Variants in CCDC141 observed in about 807,000 individuals in gnomAD.
CCDC141 encodes coiled-coil domain containing 141.
CCDC141 carries 168 observed loss-of-function variants against 181.0 expected under a neutral mutation model. That is an observed-to-expected ratio of 0.93 (90% CI 0.82 to 1.05). The LOEUF is 1.05. Ranked by LOEUF, CCDC141 falls within the 50% of genes least tolerant of loss-of-function variation. The probability of loss-of-function intolerance (pLI) is 0.00; values close to 1 mark genes in which losing one functional copy is unlikely to be tolerated. For missense variants in CCDC141, 1,902 were observed against 1,788.5 expected (o/e 1.06, Z -1.14); for synonymous variants, 666 against 642.3 (o/e 1.04, Z -0.56).
At chr2:179,023,736 C>G (rs1195120977) in intron 2 of CCDC141, among the ~76,000 whole-genome samples, 2 of 152,096 alleles carry the variant, frequency 1.3e-5, no homozygotes, top group African/African-American at 4.8e-5. Flanking sequence ...AAAATATAAG[C>G]AAACTAACAT....
chr2:178,878,478 AT>A (rs766496516), intron 11 of CCDC141, among the ~76,000 whole-genome samples: 30 of 114,610 alleles, frequency 2.6e-4, no homozygotes, highest in Admixed American at 4.8e-4. Flanking sequence ...GGCCTGGCTA[AT>A]TTTTTTTTTT....
At chr2:178,893,740 T>C (rs1281885889) in intron 8 of CCDC141, among the ~76,000 whole-genome samples, 1 of 152,014 alleles carries the variant, frequency 6.6e-6, no homozygotes, top group Non-Finnish European at 1.5e-5. Context: ...ACAATAAATT[T>C]GATTCTTATT....
chr2:178,824,061 A>AACACACACAAACACACACACAC, the CCDC141 span, among the ~76,000 whole-genome samples: 10 of 147,428 alleles, frequency 6.8e-5, no homozygotes, highest in African/African-American at 2.2e-4. Flanking sequence ...TACAGAGAAA[A>AACACACACAAACACACACACAC]ACACACACAC....
chr2:178,965,488 GA>G (rs1690584741), intron 4 of CCDC141, among the ~76,000 whole-genome samples: 1 of 152,202 alleles, frequency 6.6e-6, no homozygotes, highest in African/African-American at 2.4e-5. Flanking sequence ...GCCAAAGCAG[GA>G]TGGGGCGTCA....
At chr2:178,987,099 G>T (rs1691788082) in intron 2 of CCDC141, among the ~76,000 whole-genome samples, 2 of 140,666 alleles carry the variant, frequency 1.4e-5, no homozygotes, top group Non-Finnish European at 3.1e-5. Flanking sequence ...AAAACAGCAT[G>T]GTACTGGTAC....
the CCDC141 span, among the ~76,000 whole-genome samples, chr2:178,824,451 C>A: frequency 6.6e-6 from 1 of 151,706 alleles, no homozygotes; most frequent in Non-Finnish European, 1.5e-5. Flanking sequence ...GGAGAAACAC[C>A]ATCTCTATTA....
At chr2:179,002,299 G>A (rs2042007182) in intron 2 of CCDC141, 2 of 279,366 alleles carry the variant, frequency 7.2e-6, no homozygotes, top group South Asian at 3.6e-5. Context: ...GGGCATTCCT[G>A]TTATACAGCC....
At chr2:179,029,060 A>C (rs1224982702) in intron 2 of CCDC141, among the ~76,000 whole-genome samples, 1 of 152,022 alleles carries the variant, frequency 6.6e-6, no homozygotes, top group African/African-American at 2.4e-5. Flanking sequence ...AGAGATCTTC[A>C]TGTGCCCCAT....
intron 17 of CCDC141, among the ~76,000 whole-genome samples, chr2:178,861,051 CT>C (rs1463437835): frequency 6.6e-6 from 1 of 152,168 alleles, no homozygotes; most frequent in Admixed American, 6.5e-5. Context: ...TTCTTATCCT[CT>C]TACACATACC....
chr2:179,024,211 T>C (rs953911877), intron 2 of CCDC141, among the ~76,000 whole-genome samples: 2 of 152,230 alleles, frequency 1.3e-5, no homozygotes, highest in East Asian at 1.9e-4. Flanking sequence ...AAATGTTCCA[T>C]ACATTAATAA....
chr2:179,041,491 G>GATTTTTTTTTTTTTTTTTTTTTTTTTT (rs2043302044), intron 2 of CCDC141, among the ~76,000 whole-genome samples: 1 of 58,864 alleles, frequency 1.7e-5, no homozygotes, highest in African/African-American at 7.2e-5. Flanking sequence ...TTGGTTGTGG[G>GATTTTTTTTTTTTTTTTTTTTTTTTTT]TTTTTTTTTT....
At chr2:178,936,014 A>G (rs879362605) in intron 6 of CCDC141, among the ~76,000 whole-genome samples, 3 of 152,018 alleles carry the variant, frequency 2.0e-5, no homozygotes, top group Admixed American at 2.0e-4. Context: ...TCAGATGCAT[A>G]GTTTATAAAT....
the CCDC141 span, among the ~76,000 whole-genome samples, chr2:178,816,422 T>C: frequency 1.3e-5 from 2 of 152,218 alleles, no homozygotes; most frequent in African/African-American, 4.8e-5. Context: ...TGTATCTCAG[T>C]TTGTTTATCC....
At chr2:178,914,842 T>C (rs1358168054) in intron 7 of CCDC141, among the ~76,000 whole-genome samples, 1 of 152,022 alleles carries the variant, frequency 6.6e-6, no homozygotes, top group Non-Finnish European at 1.5e-5. Context: ...ATATTTCTAG[T>C]AAATAATAAT....
At chr2:178,948,425 G>T (rs1689819676) in intron 5 of CCDC141, among the ~76,000 whole-genome samples, 2 of 152,092 alleles carry the variant, frequency 1.3e-5, no homozygotes, top group African/African-American at 4.8e-5. Flanking sequence ...GACTATATTT[G>T]TTAAATGTAG....
intron 2 of CCDC141, among the ~76,000 whole-genome samples, chr2:179,007,906 C>T (rs931669874): frequency 3.9e-5 from 6 of 152,188 alleles, no homozygotes; most frequent in Non-Finnish European, 8.8e-5. Context: ...CTTAGATTAT[C>T]TATCACAATC....
chr2:178,843,925 T>C (rs902311170), intron 22 of CCDC141, among the ~76,000 whole-genome samples: 1 of 152,206 alleles, frequency 6.6e-6, no homozygotes, highest in Admixed American at 6.5e-5. Flanking sequence ...TTAATAACAA[T>C]TCTTGACAGC....
intron 6 of CCDC141, among the ~76,000 whole-genome samples, chr2:178,930,504 T>C (rs1689062184): frequency 6.6e-6 from 1 of 152,008 alleles, no homozygotes; most frequent in African/African-American, 2.4e-5. Flanking sequence ...GCCAAAACAA[T>C]CATGATAAAT....
chr2:179,042,693 G>A (rs989172158), intron 2 of CCDC141, among the ~76,000 whole-genome samples: 4 of 152,174 alleles, frequency 2.6e-5, no homozygotes, highest in Admixed American at 1.3e-4. Context: ...CAATGGACCG[G>A]AATCTCTGGG....
Sources: gnomAD v4.1 joint callset for allele counts (sites outside exome capture counted in the v4.1 genomes callset) on GRCh38, gnomAD v4.1.1 for gene constraint, MANE v1.5 for transcripts, NCBI Gene and HGNC (gene_info 2026-07-23, HGNC 2026-07-21) for gene names.